The following TNFAIP8L3 variants were observed in gnomAD, a reference collection of about 807,000 sequenced individuals.
TNFAIP8L3 encodes the protein tumor necrosis factor alpha-induced protein 8-like protein 3.
TNFAIP8L3 carries 7 observed loss-of-function variants against 11.8 expected under a neutral mutation model. That is an observed-to-expected ratio of 0.59 (90% CI 0.34 to 1.11). TNFAIP8L3 has a LOEUF of 1.11. Ranked by LOEUF, TNFAIP8L3 falls within the 50% of genes most tolerant of loss-of-function variation. TNFAIP8L3 has a pLI of 0.03. For synonymous variants in TNFAIP8L3, 98 were observed against 103.8 expected (o/e 0.94, Z 0.34); for missense variants, 219 against 258.6 (o/e 0.85, Z 1.05).
At position 51,078,544 on chromosome 15, in the gene TNFAIP8L3, G is replaced by C. The variant is rs372509430; in HGVS notation, c.52+16000C>G. 5.3e-5 allele frequency among the ~76,000 whole-genome samples: 8 copies of C among 151,896 alleles called. No homozygotes were observed. In the East Asian group the frequency reaches 9.7e-4, roughly 18 times the overall value. On this transcript the variant is annotated intron_variant, in intron 1 of 1. Transcript: ENST00000637513. ...AGCTCACTCAGGGTCCTCTTCTCTC[G>C]CTAGACACTTCCCAAGTGTGAGATG... is the stretch of plus-strand genomic sequence containing the variant.
intron 1 of TNFAIP8L3, among the ~76,000 whole-genome samples, chr15:51,092,613 A>G (rs1251225572): frequency 6.6e-6 from 1 of 152,230 alleles, no homozygotes; most frequent in African/African-American, 2.4e-5. Flanking sequence ...GGTGCAAACA[A>G]ATAGTGACAG....
rs111837802 is a variant in TNFAIP8L3, at chr15:51,075,384, A to G, written c.53-16941T>C. Among the ~76,000 whole-genome samples the G allele has an allele frequency of 2.9e-3, 446 of 152,192 alleles. 2 individuals carry two copies. The highest frequency in any genetic ancestry group is 0.01 in the African/African-American group (428 of 41,516). On this transcript the variant is annotated intron_variant, in intron 1 of 1. Coordinates refer to ENST00000637513, the MANE Select transcript of TNFAIP8L3 (RefSeq NM_001311175.2). ...GCAGTAAACCCTTTCTCCATGGCAGAAGCACCCCTCCTTCCTGCCACCCCT... is the reference window on the plus strand; with the variant it reads ...GCAGTAAACCCTTTCTCCATGGCAGGAGCACCCCTCCTTCCTGCCACCCCT...
intron 1 of TNFAIP8L3, among the ~76,000 whole-genome samples, chr15:51,077,558 A>G (rs2065361686): frequency 6.6e-6 from 1 of 152,160 alleles, no homozygotes; most frequent in Non-Finnish European, 1.5e-5. Flanking sequence ...GGCAGTTCCG[A>G]GAGGGGAGAC....
chr15:51,079,222 C>G (rs35114758), intron 1 of TNFAIP8L3, among the ~76,000 whole-genome samples: 20,963 of 152,310 alleles, frequency 0.14, 1,594 homozygotes, highest in South Asian at 0.19. Flanking sequence ...GGGACACTGA[C>G]CTCTTACTCT....
chr15:51,073,577 T>C (rs1245415609), intron 1 of TNFAIP8L3, among the ~76,000 whole-genome samples: 2 of 152,262 alleles, frequency 1.3e-5, no homozygotes, highest in Admixed American at 6.5e-5. Context: ...AGCTCTGTTA[T>C]GAGTTCTAAT....
At chr15:51,079,584 C>T (rs952373287) in intron 1 of TNFAIP8L3, among the ~76,000 whole-genome samples, 1 of 152,204 alleles carries the variant, frequency 6.6e-6, no homozygotes, top group Non-Finnish European at 1.5e-5. Flanking sequence ...GCCTGAGACA[C>T]TCTCACCTGG....
chr15:51,081,391 G>C (rs2065391188), intron 1 of TNFAIP8L3, among the ~76,000 whole-genome samples: 1 of 152,202 alleles, frequency 6.6e-6, no homozygotes, highest in Non-Finnish European at 1.5e-5. Flanking sequence ...CTACCCTCCA[G>C]GTGGAGGGGC....
At chr15:51,061,444 T>C (rs2065241883) in intron 1 of TNFAIP8L3, among the ~76,000 whole-genome samples, 1 of 152,272 alleles carries the variant, frequency 6.6e-6, no homozygotes, top group African/African-American at 2.4e-5. Flanking sequence ...ATTAGCCTGT[T>C]AAATCATTCT....
chr15:51,087,699 G>T (rs970113367), intron 1 of TNFAIP8L3, among the ~76,000 whole-genome samples: 8 of 151,932 alleles, frequency 5.3e-5, no homozygotes, highest in African/African-American at 1.9e-4. Context: ...CTATTAGGGT[G>T]TGTCTAGCAC....
At chr15:51,081,795 C>T (rs556971316) in intron 1 of TNFAIP8L3, among the ~76,000 whole-genome samples, 4 of 152,204 alleles carry the variant, frequency 2.6e-5, no homozygotes, top group Non-Finnish European at 5.9e-5. Flanking sequence ...TGGTTGGTAG[C>T]AGCCCTTGTG....
At chr15:51,086,877 T>G (rs1031968553) in intron 1 of TNFAIP8L3, among the ~76,000 whole-genome samples, 1 of 151,950 alleles carries the variant, frequency 6.6e-6, no homozygotes, top group Non-Finnish European at 1.5e-5. Context: ...ATTTCTCATC[T>G]TGTTTTGCTA....
intron 1 of TNFAIP8L3, among the ~76,000 whole-genome samples, chr15:51,074,660 A>G (rs566025506): frequency 1.8e-4 from 28 of 152,214 alleles, no homozygotes; most frequent in Non-Finnish European, 3.7e-4. Context: ...CCCTAACCCA[A>G]CTGGCTGAAA....
intron 1 of TNFAIP8L3, among the ~76,000 whole-genome samples, chr15:51,074,986 G>C (rs2065339592): frequency 6.6e-6 from 1 of 152,222 alleles, no homozygotes; most frequent in Non-Finnish European, 1.5e-5. Context: ...CTTAGGGATT[G>C]ATGCTCAGAA....
rs535298248 is a variant in TNFAIP8L3, at chr15:51,088,519, C to T, written c.52+6025G>A. 2.0e-4 allele frequency among the ~76,000 whole-genome samples: 31 copies of T among 152,292 alleles called. No homozygotes were observed. In the South Asian group the frequency reaches 6.4e-3, roughly 32 times the overall value. On this transcript the variant is annotated intron_variant, in intron 1 of 1. Transcript: ENST00000637513. ...TGGAAGGCAGGAGCACATCTAAATG[C>T]ATTTCTGTATACTATCACAGCACCT...
intron 1 of TNFAIP8L3, among the ~76,000 whole-genome samples, chr15:51,077,524 C>A (rs74703156): frequency 0.011 from 1,672 of 152,316 alleles, 30 homozygotes; most frequent in African/African-American, 0.039. Context: ...GGAACCCCCA[C>A]CTGGCTTCAA....
rs2065496841 is a variant in TNFAIP8L3, at chr15:51,094,535, C to G, written c.52+9G>C. 6.7e-7 allele frequency: 1 copy of G among 1,496,070 alleles called. No individual in the cohort carries two copies. Among genetic ancestry groups the G allele is most frequent in the Admixed American group, 2.1e-5 (1 of 47,682 alleles). 92.7% of individuals were successfully genotyped at this position (1,496,070 alleles called of 1,614,324 possible). On this transcript the variant is annotated intron_variant, in intron 1 of 1. Coordinates refer to ENST00000637513, the MANE Select transcript of TNFAIP8L3 (RefSeq NM_001311175.2). The surrounding 1 kb of genome is among the most constrained non-coding windows in gnomAD (Gnocchi z 4.4). ...CCCACCCGCCTGGGCCGTCGCGGCC[C>G]CTAGGTACCTGCGGCGGTCACGGGC...
chr15:51,059,222 G>A (rs899586551), intron 1 of TNFAIP8L3, among the ~76,000 whole-genome samples: 3 of 152,162 alleles, frequency 2.0e-5, no homozygotes, highest in African/African-American at 4.8e-5. Flanking sequence ...CTCTGAAGGT[G>A]AAGCAGCTTA....
chr15:51,082,876 C>CA, intron 1 of TNFAIP8L3, among the ~76,000 whole-genome samples: 1 of 152,292 alleles, frequency 6.6e-6, no homozygotes, highest in Admixed American at 6.5e-5. Context: ...GGACTACTAT[C>CA]ACGTCCAAAA....
intron 1 of TNFAIP8L3, among the ~76,000 whole-genome samples, chr15:51,077,741 T>G (rs7172283): frequency 6.6e-6 from 1 of 152,076 alleles, no homozygotes; most frequent in Non-Finnish European, 1.5e-5. Flanking sequence ...CTTAATAATA[T>G]GCACATGCGC....
Sources: gnomAD v4.1 joint callset for allele counts (sites outside exome capture counted in the v4.1 genomes callset) on GRCh38, gnomAD v4.1.1 for gene constraint, Gnocchi (gnomAD v3.1) non-coding constraint, MANE v1.5 for transcripts, NCBI Gene and HGNC (gene_info 2026-07-23, HGNC 2026-07-21) for gene names.